TTN: variants seen among roughly 807,000 people sequenced by gnomAD.
TTN encodes titin.
In TTN, 1,525 loss-of-function variants were observed where a neutral mutation model predicts 3,223.0. The ratio of observed to expected loss-of-function variants is 0.47; its 90% CI spans 0.45 to 0.49. TTN has a LOEUF of 0.49. Ranked by LOEUF, TTN falls within the 20% of genes least tolerant of loss-of-function variation. The pLI is 0.00. For synonymous variants in TTN, 14,094 were observed against 15,161.0 expected, an observed-to-expected ratio of 0.93 and a Z score of 5.17; for missense variants, 40,786 against 43,424.0, an observed-to-expected ratio of 0.94 and a Z score of 5.40.
chr2:178,589,348 C>T lies in TTN; in HGVS notation c.62377G>A (p.Val20793Ile). Residue 20793 changes from valine to isoleucine, a missense_variant, in exon 304 of 363, where the codon GTT (valine) becomes ATT (isoleucine). Coordinates refer to ENST00000589042, the MANE Select transcript of TTN (RefSeq NM_001267550.2). ...ACTTCTGGGAATGGTTTGCCTCTAA[C>T]CCCTGCCTCAAGCCTAATGGTGTCC... ...AGDTIRLEAG[V>I]RGKPFPEVAW... 3 of 1,613,282 alleles carry T rather than the reference C, an allele frequency of 1.9e-6. No individual in the cohort carries two copies. The highest frequency in any genetic ancestry group is 2.5e-6 in the Non-Finnish European group (3 of 1,179,536).
At chr2:178,681,473 G>T in intron 136 of TTN, 23 bp from the exon 137 acceptor site, 1 of 1,578,490 alleles carries the variant, frequency 6.3e-7, no homozygotes, top group Non-Finnish European at 8.6e-7. Flanking sequence ...AATATTAAGA[G>T]ATTTTAAAAA....
At chr2:178,607,736 T>G in intron 276 of TTN, 49 bp downstream of exon 276, 1 of 1,611,848 alleles carries the variant, frequency 6.2e-7, no homozygotes, top group Non-Finnish European at 8.5e-7. Context: ...TAAAAAATAG[T>G]CCCATATAGA....
Position 178,651,536 on chromosome 2 carries a change from A to G in TTN, c.39464T>C (p.Val13155Ala). ...AACAACCTCCTTGGGCACCTCGGGCACTATAAAAGATATTAGTAGTTGTTT... is the reference window on the plus strand; with the variant it reads ...AACAACCTCCTTGGGCACCTCGGGCGCTATAAAAGATATTAGTAGTTGTTT... ...AKKPELPPVK[V>A]PEVPKEVVPE... The change falls in exon 207 of 363, where the codon GTG (valine) becomes GCG (alanine). Residue 13155 changes from valine (V) to alanine (A), a missense_variant and splice_region_variant. By Grantham distance (64) the Val-to-Ala change is moderately conservative. Coordinates refer to ENST00000589042, the MANE Select transcript of TTN (RefSeq NM_001267550.2). 1 of 1,612,738 alleles carries G rather than the reference A, an allele frequency of 6.2e-7. No homozygotes were observed. The highest frequency in any genetic ancestry group is 1.3e-5 in the African/African-American group (1 of 74,958).
intron 214 of TTN, 39 bp downstream of exon 214, chr2:178,647,342 A>G (rs1179609456): frequency 1.9e-6 from 3 of 1,541,444 alleles, no homozygotes; most frequent in African/African-American, 2.7e-5. Flanking sequence ...GGATGAAGAC[A>G]ATTGTCATCT....
chr2:178,532,364 C>T lies in TTN; in HGVS notation c.104251G>A (p.Ala34751Thr). Residue 34751 changes from alanine (A) to threonine (T), a missense_variant, in exon 358 of 363, where the codon GCC becomes ACC. Transcript: ENST00000589042. Reference sequence around the variant, plus strand: ...TTTGGCTGTCTGTACGCAGCCTGGGCATGCCGTTCCCTCAGTTCTGCATAA... The same window carrying T: ...TTTGGCTGTCTGTACGCAGCCTGGGTATGCCGTTCCCTCAGTTCTGCATAA... ...TSYAELRERH[A>T]QAAYRQPKQR... 1 of 1,614,034 alleles carries T rather than the reference C, an allele frequency of 6.2e-7. No homozygotes were observed. The highest frequency in any genetic ancestry group is 8.5e-7 in the Non-Finnish European group (1 of 1,179,890).
Position 178,530,783 on chromosome 2 carries a change from G to A in TTN, c.105832C>T (p.Gln35278Ter). 1.2e-6 allele frequency: 2 copies of A among 1,613,874 alleles called. No individual in the cohort carries two copies. The highest frequency in any genetic ancestry group is 1.7e-6 in the Non-Finnish European group (2 of 1,179,868). Residue 35278 changes from glutamine to a stop codon, truncating the protein, a stop_gained, in exon 358 of 363, where the codon CAG (glutamine) becomes TAG (stop). Transcript: ENST00000589042. LOFTEE classifies it high-confidence loss of function. The stretch of plus-strand genomic sequence containing the variant: ...GGTGGGGCAGAGACTGGGAGGTGCT[G>A]AACTTTCTCTGTTGGTGTTGGTTTT... ...ETKPTPTEKV[Q>*]HLPVSAPPKI...
intron 279 of TTN, 57 bp from the exon 280 acceptor site, chr2:178,605,352 C>T: frequency 6.5e-7 from 1 of 1,531,788 alleles, no homozygotes; most frequent in East Asian, 2.3e-5. Context: ...TTTTTTTCAA[C>T]TTATGGGATA....
Position 178,598,667 on chromosome 2 carries a change from A to G in TTN, c.56963-13T>C. The G allele has an allele frequency of 6.3e-7, 1 of 1,593,404 alleles. No homozygotes were observed. Among genetic ancestry groups the G allele is most frequent in the Non-Finnish European group, 8.5e-7 (1 of 1,174,054 alleles). On this transcript the variant is annotated splice_polypyrimidine_tract_variant and intron_variant, in intron 291 of 362. Transcript: ENST00000589042. Reference sequence around the variant, plus strand: ...GGACCAGGAGGGGCTGCAAAGAGCCAGTATACGTTAGTATTCTTGACTTTT... The same window carrying G: ...GGACCAGGAGGGGCTGCAAAGAGCCGGTATACGTTAGTATTCTTGACTTTT...
chr2:178,703,617 C>T (rs1053368855), intron 106 of TTN, among the ~76,000 whole-genome samples: 2 of 152,120 alleles, frequency 1.3e-5, no homozygotes, highest in African/African-American at 4.8e-5. Context: ...GTTGTTACTC[C>T]TAAATTCTGA....
chr2:178,768,019 T>C lies in TTN; in HGVS notation c.9300A>G (p.Thr3100=). 6.2e-7 allele frequency: 1 copy of C among 1,614,162 alleles called. No individual in the cohort carries two copies. Among genetic ancestry groups the C allele is most frequent in the Non-Finnish European group, 8.5e-7 (1 of 1,180,012 alleles). The change falls in exon 39 of 363, where the codon ACA becomes ACG. Residue 3100 remains threonine, a synonymous_variant. Transcript: ENST00000589042. ...AGCAAGACAAAACAACTGACCTGTC[T>C]GTGATCTGCAGTTCCTGGTCATCTT... The part of the protein sequence containing the change: ...WMKDDQELQI[T]DRIKIQKEKY...
At position 178,573,409 on chromosome 2, in the gene TTN, G is replaced by C. The variant is rs372701206; in HGVS notation, c.72723C>G (p.Val24241=). Residue 24241 remains valine, a synonymous_variant, in exon 326 of 363, where the codon GTC becomes GTG. Transcript: ENST00000589042. ...CATCAGAATCAGGATGTCCCCAGCA[G>C]ACAACCATCGAATCTTTAGTAATAG... ...VTTITKDSMV[V]CWGHPDSDGG... The C allele has an allele frequency of 1.3e-4, 194 of 1,520,818 alleles. No individual in the cohort carries two copies. Among genetic ancestry groups the C allele is most frequent in the Non-Finnish European group, 1.6e-4 (177 of 1,136,930 alleles). The allele number at this position is 1,520,818 out of a possible 1,614,324, so 94.2% of individuals were successfully genotyped here. A position where few individuals can be genotyped will look rare whatever the true frequency, so the allele number is the denominator to read the frequency against.
chr2:178,545,796 T>C (rs1384765567), intron 343 of TTN, 24 bp downstream of exon 343: 2 of 1,605,176 alleles, frequency 1.2e-6, no homozygotes, highest in East Asian at 2.2e-5. Context: ...AACTGTCAAA[T>C]TATTTAAAAG....
At position 178,534,385 on chromosome 2, in the gene TTN, A is replaced by G. The variant is rs1290306844; in HGVS notation, c.102230T>C (p.Ile34077Thr). ...GATAACTTTAGTACTGACTCTTTCTATCTTCTGCTTCAACCATGGGTGCTG... is the reference window on the plus strand; with the variant it reads ...GATAACTTTAGTACTGACTCTTTCTGTCTTCTGCTTCAACCATGGGTGCTG... ...ALQHPWLKQK[I>T]ERVSTKVIRT... Residue 34077 changes from isoleucine to threonine, a missense_variant, in exon 358 of 363, where the codon ATA becomes ACA. Transcript: ENST00000589042. The G allele has an allele frequency of 1.9e-6, 3 of 1,610,654 alleles. No homozygotes were observed. The South Asian group carries it at 3.3e-5, about 18-fold the overall frequency.
At position 178,567,447 on chromosome 2, in the gene TTN, T is replaced by C; in HGVS notation, c.78685A>G (p.Arg26229Gly). 6.2e-7 allele frequency: 1 copy of C among 1,612,840 alleles called. No homozygotes were observed. The highest frequency in any genetic ancestry group is 8.5e-7 in the Non-Finnish European group (1 of 1,179,322). Residue 26229 changes from arginine (R) to glycine (G), a missense_variant, in exon 326 of 363, where the codon AGA becomes GGA. Coordinates refer to ENST00000589042, the MANE Select transcript of TTN (RefSeq NM_001267550.2). ...GKPLPTIEWL[R>G]GDKEIEESAR... Reference sequence around the variant, plus strand: ...GATTCTTCAATTTCCTTATCTCCTCTTAACCACTCAATGGTAGGTAGGGGC... The same window carrying C: ...GATTCTTCAATTTCCTTATCTCCTCCTAACCACTCAATGGTAGGTAGGGGC...
At chr2:178,767,234 A>G (rs1201754600) in intron 40 of TTN, among the ~76,000 whole-genome samples, 1 of 152,214 alleles carries the variant, frequency 6.6e-6, no homozygotes, top group East Asian at 1.9e-4. Context: ...GATGGTGGAC[A>G]CTTATGAGGA....
intron 47 of TTN, chr2:178,748,555 T>C (rs1336237415): frequency 6.2e-7 from 1 of 1,612,964 alleles, no homozygotes; most frequent in Non-Finnish European, 8.5e-7. Context: ...TTAGATCAAA[T>C]ACAATGTTCT....
chr2:178,595,984 CTTTT>C (rs762808998), intron 294 of TTN, among the ~76,000 whole-genome samples, 175 bp from the exon 295 acceptor site: 1 of 114,510 alleles, frequency 8.7e-6, no homozygotes, highest in Admixed American at 9.2e-5. Flanking sequence ...CAGTCAACCA[CTTTT>C]TTTTTTTTTT....
chr2:178,585,446 AT>A (rs1024974970), intron 308 of TTN, 99 bp from the exon 309 acceptor site: 31 of 1,286,450 alleles, frequency 2.4e-5, no homozygotes, highest in Non-Finnish European at 2.9e-5. Context: ...ATTACCACCA[AT>A]TTTTTTTAAT....
chr2:178,767,946 G>C (rs746652186), intron 39 of TTN, 22 bp from the exon 40 acceptor site: 2 of 1,613,988 alleles, frequency 1.2e-6, no homozygotes, highest in South Asian at 1.1e-5. Flanking sequence ...ATGGAAATTC[G>C]AGTTTACCGT....
Sources: gnomAD v4.1 joint callset for allele counts (sites outside exome capture counted in the v4.1 genomes callset) on GRCh38, gnomAD v4.1.1 for gene constraint, MANE v1.5 for transcripts, NCBI Gene and HGNC (gene_info 2026-07-23, HGNC 2026-07-21) for gene names.